Variants in EYS observed in about 807,000 individuals in gnomAD.
EYS encodes EGF-like photoreceptor maintenance factor.
In EYS, 250 loss-of-function variants were observed where a neutral mutation model predicts 282.1. The ratio of observed to expected loss-of-function variants is 0.89; its 90% CI spans 0.80 to 0.98. The LOEUF is 0.98. EYS is among the 50% of genes least tolerant of loss of function. The probability of loss-of-function intolerance (pLI) is 0.00; values close to 1 mark genes in which losing one functional copy is unlikely to be tolerated. For synonymous variants in EYS, 1,355 were observed against 1,282.9 expected (o/e 1.06, Z -1.20); for missense variants, 4,016 against 3,709.0 (o/e 1.08, Z -2.15).
chr6:65,355,492 G>A (rs2150329039), intron 8 of EYS, among the ~76,000 whole-genome samples: 1 of 152,208 alleles, frequency 6.6e-6, no homozygotes, highest in South Asian at 2.1e-4. Context: ...AACCTAAAAT[G>A]CTTCTGCACA....
intron 33 of EYS, among the ~76,000 whole-genome samples, chr6:64,053,086 T>C (rs1770867507): frequency 6.6e-6 from 1 of 152,164 alleles, no homozygotes; most frequent in Admixed American, 6.5e-5. Flanking sequence ...AAATTTATCA[T>C]ACATATTTTG....
intron 29 of EYS, among the ~76,000 whole-genome samples, chr6:64,336,583 C>T (rs1770858149): frequency 1.3e-5 from 2 of 152,010 alleles, no homozygotes; most frequent in African/African-American, 4.8e-5. Context: ...AGAAAGTCAA[C>T]AAAGAAACAA....
At chr6:64,993,771 C>A (rs1178701211) in intron 14 of EYS, among the ~76,000 whole-genome samples, 3 of 147,332 alleles carry the variant, frequency 2.0e-5, no homozygotes, top group Non-Finnish European at 3.0e-5. Context: ...CATGGATTTT[C>A]AACCATATGG....
chr6:64,123,230 C>A (rs527956879), intron 31 of EYS, among the ~76,000 whole-genome samples: 1 of 152,256 alleles, frequency 6.6e-6, no homozygotes, highest in East Asian at 1.9e-4. Flanking sequence ...TCGAGCATAG[C>A]ATTTAACCTT....
intron 5 of EYS, among the ~76,000 whole-genome samples, chr6:65,447,628 T>C (rs777536981): frequency 6.6e-6 from 1 of 151,930 alleles, no homozygotes; most frequent in East Asian, 1.9e-4. Context: ...TTCAATGTGC[T>C]AGAGTCTCCA....
chr6:64,523,551 C>G (rs929800598), intron 26 of EYS, among the ~76,000 whole-genome samples: 2 of 151,776 alleles, frequency 1.3e-5, no homozygotes, highest in Non-Finnish European at 3.0e-5. Flanking sequence ...ATGGAAGACA[C>G]AACACCCATG....
At chr6:64,262,732 A>C (rs904300397) in intron 30 of EYS, among the ~76,000 whole-genome samples, 10 of 151,676 alleles carry the variant, frequency 6.6e-5, no homozygotes, top group African/African-American at 9.7e-5. Flanking sequence ...GTTTTCTTTT[A>C]TTTTGTTTCC....
At chr6:65,670,447 A>G (rs1228255875) in intron 1 of EYS, among the ~76,000 whole-genome samples, 1 of 152,028 alleles carries the variant, frequency 6.6e-6, no homozygotes, top group East Asian at 1.9e-4. Flanking sequence ...TAGTTATTTC[A>G]TTGAAATATC....
intron 26 of EYS, among the ~76,000 whole-genome samples, chr6:64,543,084 G>C (rs1257526880): frequency 6.6e-6 from 1 of 152,038 alleles, no homozygotes; most frequent in Non-Finnish European, 1.5e-5. Flanking sequence ...ACCGGTCCTT[G>C]TCCTTTAAAG....
chr6:64,303,171 G>A (rs984985716), intron 30 of EYS, among the ~76,000 whole-genome samples: 8 of 152,112 alleles, frequency 5.3e-5, no homozygotes, highest in Admixed American at 3.3e-4. Context: ...CTACACTTAA[G>A]CACCGACTTC....
intron 26 of EYS, among the ~76,000 whole-genome samples, chr6:64,461,750 C>A (rs185725599): frequency 2.0e-5 from 3 of 151,958 alleles, no homozygotes; most frequent in African/African-American, 7.3e-5. Context: ...GGACTCATTA[C>A]TTTATAGTTG....
chr6:63,888,756 T>C (rs780899049), intron 35 of EYS, among the ~76,000 whole-genome samples: 3 of 152,210 alleles, frequency 2.0e-5, no homozygotes, highest in Non-Finnish European at 4.4e-5. Flanking sequence ...CAACTTCGTG[T>C]AAGCAAGGGC....
intron 13 of EYS, among the ~76,000 whole-genome samples, chr6:65,017,668 C>T (rs913775841): frequency 6.6e-6 from 1 of 152,008 alleles, no homozygotes; most frequent in Non-Finnish European, 1.5e-5. Flanking sequence ...CATGAAGGAA[C>T]AAAATAAAAA....
At chr6:64,981,371 C>T (rs1460565150) in intron 14 of EYS, among the ~76,000 whole-genome samples, 1 of 151,134 alleles carries the variant, frequency 6.6e-6, no homozygotes, top group African/African-American at 2.4e-5. Flanking sequence ...GTATGATAGC[C>T]TACCAGGTCT....
chr6:64,741,555 C>G (rs1384907901), intron 22 of EYS, among the ~76,000 whole-genome samples: 2 of 152,144 alleles, frequency 1.3e-5, no homozygotes, highest in Non-Finnish European at 2.9e-5. Context: ...CTGTGAATGT[C>G]CTAGGTGGCA....
chr6:63,806,285 C>G lies in EYS; in HGVS notation c.7316G>C (p.Ser2439Thr), dbSNP rs775138535. 9.7e-6 allele frequency: 15 copies of G among 1,551,522 alleles called. No homozygotes were observed. The highest frequency in any genetic ancestry group is 1.3e-5 in the Non-Finnish European group (15 of 1,146,918). ...FLAYSRISDISFHYEFHLKFQ... is the reference protein window; with the variant it reads ...FLAYSRISDITFHYEFHLKFQ... ...CTTCAGGTGGAATTCATAATGGAAG[C>G]TGATGTCTGAGATCCGTGAATAAGC... Residue 2439 changes from serine to threonine, a missense_variant, in exon 37 of 43, where the codon AGC becomes ACC. By Grantham distance (58) the Ser-to-Thr change is moderately conservative. Transcript: ENST00000503581.
rs1464027344 is a variant in EYS, at chr6:65,151,082, AT to A, written c.2024-93356del. ...TATGGAAAAACATAGAATATTATGT[AT>A]TTTTTAGTATGACATTTTTGACAAT... On this transcript the variant is annotated intron_variant, in intron 12 of 42. Coordinates refer to ENST00000503581, the MANE Select transcript of EYS (RefSeq NM_001142800.2). Among the ~76,000 whole-genome samples, 22 of 152,102 alleles carry A rather than the reference AT, an allele frequency of 1.4e-4. No homozygotes were observed. In the South Asian group the frequency reaches 4.6e-3, roughly 32 times the overall value.
In EYS at chr6:64,163,243, C is replaced by T. The variant is rs553654398; in HGVS notation, c.6424+67349G>A. On this transcript the variant is annotated intron_variant, in intron 31 of 42. Coordinates refer to ENST00000503581, the MANE Select transcript of EYS (RefSeq NM_001142800.2). ...AAAATTAAGAGCAATACATATAATACTACATAATATTATTTTTTCTTCTAA... is the reference window on the plus strand; with the variant it reads ...AAAATTAAGAGCAATACATATAATATTACATAATATTATTTTTTCTTCTAA... Among the ~76,000 whole-genome samples, 4 of 152,186 alleles carry T rather than the reference C, an allele frequency of 2.6e-5. No individual in the cohort carries two copies. The East Asian group carries it at 7.7e-4, about 29-fold the overall frequency.
At chr6:63,833,566 A>C (rs1164271195) in intron 36 of EYS, among the ~76,000 whole-genome samples, 1 of 152,220 alleles carries the variant, frequency 6.6e-6, no homozygotes, top group Non-Finnish European at 1.5e-5. Context: ...AAGAGGACAC[A>C]AACAAATGGA....
Sources: gnomAD v4.1 joint callset for allele counts (sites outside exome capture counted in the v4.1 genomes callset) on GRCh38, gnomAD v4.1.1 for gene constraint, MANE v1.5 for transcripts, NCBI Gene and HGNC (gene_info 2026-07-23, HGNC 2026-07-21) for gene names.